The following GALNTL6 variants were observed in gnomAD, a reference collection of about 807,000 sequenced individuals.
The protein encoded by GALNTL6 is polypeptide N-acetylgalactosaminyltransferase like 6.
A neutral mutation model predicts 73.7 loss-of-function variants in GALNTL6; 46 were observed. The observed-to-expected ratio is 0.62, with a 90% CI of 0.49 to 0.80. The LOEUF (loss-of-function observed/expected upper bound fraction) is 0.80. Ranked by LOEUF, GALNTL6 falls within the 30% of genes least tolerant of loss-of-function variation. The probability of loss-of-function intolerance (pLI) is 0.00; values close to 1 mark genes in which losing one functional copy is unlikely to be tolerated. For missense variants in GALNTL6, 604 were observed against 755.0 expected (o/e 0.80, Z 2.34); for synonymous variants, 259 against 263.7 (o/e 0.98, Z 0.17).
chr4:171,995,135 A>T (rs1740449820), intron 2 of GALNTL6, among the ~76,000 whole-genome samples: 1 of 151,956 alleles, frequency 6.6e-6, no homozygotes, highest in African/African-American at 2.4e-5. Context: ...ATATATGCTG[A>T]TGGGATTGTA....
At chr4:171,865,321 G>GAC (rs930900338) in intron 2 of GALNTL6, among the ~76,000 whole-genome samples, 17 of 152,292 alleles carry the variant, frequency 1.1e-4, no homozygotes, top group African/African-American at 4.1e-4. Flanking sequence ...CAGAAATACA[G>GAC]ATAGGGTGAG....
intron 5 of GALNTL6, among the ~76,000 whole-genome samples, chr4:172,459,676 A>T (rs1488637940): frequency 6.6e-6 from 1 of 152,208 alleles, no homozygotes; most frequent in Non-Finnish European, 1.5e-5. Flanking sequence ...GGACCTCTTC[A>T]GGGAGAACTA....
chr4:172,301,088 ACTTCT>A lies in GALNTL6; in HGVS notation c.248-10518_248-10514del, dbSNP rs572017345. On this transcript the variant is annotated intron_variant, in intron 3 of 12. Transcript: ENST00000506823. ...TTTCTTTTTATTCTTTTTTCTCTAA[ACTTCT>A]CTTCTCTCTTCATTTCATTCATTTG... is the stretch of plus-strand genomic sequence containing the variant. Among the ~76,000 whole-genome samples, 444 of 151,386 alleles carry A rather than the reference ACTTCT, an allele frequency of 2.9e-3. 4 individuals are homozygous for A. The highest frequency in any genetic ancestry group is 0.01 in the African/African-American group (419 of 41,214).
chr4:172,573,280 T>C (rs1212794599), intron 5 of GALNTL6, among the ~76,000 whole-genome samples: 3 of 152,174 alleles, frequency 2.0e-5, no homozygotes, highest in Non-Finnish European at 2.9e-5. Flanking sequence ...AACCATGAAA[T>C]AGCCATGTTC....
intron 2 of GALNTL6, among the ~76,000 whole-genome samples, chr4:171,990,315 TC>T (rs1360209805): frequency 6.6e-6 from 1 of 152,202 alleles, no homozygotes; most frequent in African/African-American, 2.4e-5. Context: ...CTTATTTTTT[TC>T]AATACTCATT....
chr4:172,641,483 G>T (rs1739979895), intron 5 of GALNTL6, among the ~76,000 whole-genome samples: 1 of 151,998 alleles, frequency 6.6e-6, no homozygotes, highest in Non-Finnish European at 1.5e-5. Flanking sequence ...CACCAGTCAT[G>T]CTCCTGCTTT....
intron 3 of GALNTL6, among the ~76,000 whole-genome samples, chr4:172,248,715 A>T (rs1479275035): frequency 6.6e-6 from 1 of 152,068 alleles, no homozygotes; most frequent in Non-Finnish European, 1.5e-5. Context: ...TGGTTCCCCC[A>T]TGCTATTCTT....
intron 3 of GALNTL6, among the ~76,000 whole-genome samples, chr4:172,301,472 C>A (rs1739918279): frequency 6.6e-6 from 1 of 152,152 alleles, no homozygotes; most frequent in African/African-American, 2.4e-5. Flanking sequence ...AGTTTTTCTG[C>A]TCTGTTTTTT....
intron 2 of GALNTL6, among the ~76,000 whole-genome samples, chr4:171,915,467 T>C (rs762050907): frequency 1.3e-5 from 2 of 152,198 alleles, no homozygotes; most frequent in Non-Finnish European, 2.9e-5. Flanking sequence ...AAGGGAGTGA[T>C]AGTGATTCTA....
chr4:172,589,677 G>T (rs972449381), intron 5 of GALNTL6, among the ~76,000 whole-genome samples: 9 of 152,200 alleles, frequency 5.9e-5, no homozygotes, highest in African/African-American at 2.2e-4. Context: ...TGCCACTTTT[G>T]ATTCTTATTG....
chr4:172,691,463 A>G, intron 5 of GALNTL6, among the ~76,000 whole-genome samples: 1 of 152,156 alleles, frequency 6.6e-6, no homozygotes, highest in East Asian at 1.9e-4. Flanking sequence ...AGAAGGAGTT[A>G]TTTTTAAATG....
chr4:173,019,782 A>G (rs77962606), intron 11 of GALNTL6, among the ~76,000 whole-genome samples: 1,590 of 152,302 alleles, frequency 0.01, 23 homozygotes, highest in African/African-American at 0.034. Context: ...ATGCTCGTTT[A>G]GGTCATTTCT....
At chr4:172,397,090 GTA>G (rs201259680) in intron 5 of GALNTL6, among the ~76,000 whole-genome samples, 2 of 151,930 alleles carry the variant, frequency 1.3e-5, no homozygotes, top group Non-Finnish European at 2.9e-5. Context: ...GGCTACCTAG[GTA>G]TATATATATG....
chr4:172,339,525 A>G (rs1248510953), intron 4 of GALNTL6, among the ~76,000 whole-genome samples: 1 of 152,142 alleles, frequency 6.6e-6, no homozygotes, highest in Non-Finnish European at 1.5e-5. Context: ...TGAGACTAAA[A>G]TACCTGTGTA....
chr4:172,540,092 C>T (rs1736227943), intron 5 of GALNTL6, among the ~76,000 whole-genome samples: 1 of 146,922 alleles, frequency 6.8e-6, no homozygotes, highest in Non-Finnish European at 1.5e-5. Context: ...TGCTCTGTCA[C>T]CAGGCTGGAA....
At chr4:172,212,420 A>G (rs1444841684) in intron 2 of GALNTL6, among the ~76,000 whole-genome samples, 1 of 152,056 alleles carries the variant, frequency 6.6e-6, no homozygotes, top group Non-Finnish European at 1.5e-5. Context: ...CAGCCTCCCA[A>G]AGCGCTCAGA....
chr4:172,864,883 G>A (rs1451584308), intron 7 of GALNTL6, among the ~76,000 whole-genome samples: 1 of 152,066 alleles, frequency 6.6e-6, no homozygotes, highest in Non-Finnish European at 1.5e-5. Context: ...GAAGGGGACA[G>A]GTGTCAACAT....
intron 12 of GALNTL6, among the ~76,000 whole-genome samples, chr4:173,024,405 T>C (rs2126522535): frequency 6.6e-6 from 1 of 152,342 alleles, no homozygotes; most frequent in Admixed American, 6.5e-5. Flanking sequence ...AAATATCACA[T>C]CTTGGTGGAT....
At chr4:172,928,196 T>C (rs999009959) in intron 8 of GALNTL6, among the ~76,000 whole-genome samples, 14 of 152,132 alleles carry the variant, frequency 9.2e-5, no homozygotes, top group Non-Finnish European at 2.1e-4. Context: ...AAGGCAAAAG[T>C]ATTTATTTTC....
Sources: allele counts gnomAD v4.1 joint callset (sites outside exome capture counted in the v4.1 genomes callset), GRCh38; gene constraint gnomAD v4.1.1; transcripts MANE v1.5; gene names NCBI Gene and HGNC (gene_info 2026-07-23, HGNC 2026-07-21).